The following CEP170B variants were observed in gnomAD, a reference collection of about 807,000 sequenced individuals.
CEP170B encodes the protein centrosomal protein 170B.
In CEP170B, 55 loss-of-function variants were observed where a neutral mutation model predicts 120.6. That is an observed-to-expected ratio of 0.46 (90% CI 0.37 to 0.57). CEP170B has a LOEUF of 0.57. CEP170B is among the 20% of genes least tolerant of loss of function. CEP170B has a pLI of 0.00. For synonymous variants in CEP170B, 1,033 were observed against 954.5 expected, an observed-to-expected ratio of 1.08 and a Z score of -1.52; for missense variants, 2,212 against 2,253.3, an observed-to-expected ratio of 0.98 and a Z score of 0.37.
chr14:104,888,603 G>A lies in CEP170B; in HGVS notation c.3739+625G>A, dbSNP rs904828543. Among the ~76,000 whole-genome samples, 6 of 152,212 alleles carry A rather than the reference G, an allele frequency of 3.9e-5. 1 individual carries two copies. The highest frequency in any genetic ancestry group is 2.1e-4 in the South Asian group (1 of 4,832). On this transcript the variant is annotated intron_variant, in intron 12 of 18. Transcript: ENST00000414716. ...AGCTGGCCTCCTACCTGGGGTGGCC[G>A]GACATCCGCGTCTGCAGAGCGGGGC...
Position 104,878,493 on chromosome 14 carries a change from G to A in CEP170B, c.325G>A (p.Ala109Thr). ...TGTGCAGCACCGAGTCCCGGAGGAG[G>A]CACTCAAGGTTAGTGCTGGCCAAGC... is the stretch of plus-strand genomic sequence containing the variant. ...ERVQHRVPEEALKHEKYTSQL... is the reference protein window; with the variant it reads ...ERVQHRVPEETLKHEKYTSQL... Residue 109 changes from alanine (A) to threonine (T), a missense_variant, in exon 5 of 19, where the codon GCA (alanine) becomes ACA (threonine). Physicochemically the swap from Ala to Thr is moderately conservative, Grantham distance 58 (BLOSUM62 0). Coordinates refer to ENST00000414716, the MANE Select transcript of CEP170B (RefSeq NM_001112726.3). 6.2e-7 allele frequency: 1 copy of A among 1,611,290 alleles called. No homozygotes were observed. The highest frequency in any genetic ancestry group is 8.5e-7 in the Non-Finnish European group (1 of 1,179,644).
rs541124123 is a variant in CEP170B, at chr14:104,867,403, C to A, written c.-27-1021C>A. Among the ~76,000 whole-genome samples, 1 of 152,202 alleles carries A rather than the reference C, an allele frequency of 6.6e-6. No individual in the cohort carries two copies. Among genetic ancestry groups the A allele is most frequent in the African/African-American group, 2.4e-5 (1 of 41,454 alleles). ...ATCCCTCTTTGCACCTTCTCATAAGCCGTTTCTGTTCTCTGTGCCTGCCCC... is the reference window on the plus strand; with the variant it reads ...ATCCCTCTTTGCACCTTCTCATAAGACGTTTCTGTTCTCTGTGCCTGCCCC... On this transcript the variant is annotated intron_variant, in intron 1 of 18. Transcript: ENST00000414716. The surrounding 1 kb of genome is among the most constrained non-coding windows in gnomAD (Gnocchi z 5.4).
chr14:104,868,411 C>G lies in CEP170B; in HGVS notation c.-27-13C>G, dbSNP rs1388680637. The G allele has an allele frequency of 6.5e-7, 1 of 1,531,510 alleles. No homozygotes were observed. The highest frequency in any genetic ancestry group is 2.4e-5 in the East Asian group (1 of 40,824). The allele number at this position is 1,531,510 out of a possible 1,614,324, so 94.9% of individuals were successfully genotyped here. On this transcript the variant is annotated splice_polypyrimidine_tract_variant and intron_variant, in intron 1 of 18. Coordinates refer to ENST00000414716, the MANE Select transcript of CEP170B (RefSeq NM_001112726.3). The surrounding 1 kb of genome is among the most constrained non-coding windows in gnomAD (Gnocchi z 5.9). ...GCCAGGGAGCCCCACTCTAACAATC[C>G]CCTCTTCCCCAGGGCCAGACGGGCC...
intron 14 of CEP170B, 67 bp downstream of exon 14, chr14:104,893,202 C>T (rs1308370474): frequency 2.0e-6 from 3 of 1,514,510 alleles, no homozygotes; most frequent in African/African-American, 2.8e-5. Flanking sequence ...GCCAGGTCCC[C>T]ACAGCCCTTT....
chr14:104,885,287 C>T, intron 9 of CEP170B, 82 bp from the exon 10 acceptor site: 2 of 1,425,592 alleles, frequency 1.4e-6, no homozygotes, highest in Non-Finnish European at 1.9e-6. Flanking sequence ...CTCCCTGTGG[C>T]CTGGGGGTGG....
At chr14:104,866,119 C>T (rs1003868172) in intron 1 of CEP170B, among the ~76,000 whole-genome samples, 3 of 152,182 alleles carry the variant, frequency 2.0e-5, no homozygotes, top group African/African-American at 7.2e-5. Flanking sequence ...ATTATTCTTC[C>T]TCCTAGCAAC....
rs771943246 is a variant in CEP170B at position 104,893,532 on chromosome 14, C to T, written c.4048C>T (p.Arg1350Cys). ...TISAREELVQ[R>C]IPEASLNFQK... Reference sequence around the variant, plus strand: ...GCCCTCCCTCTTGCAGCTGGTGCAGCGCATCCCCGAGGCCAGCCTCAACTT... The same window carrying T: ...GCCCTCCCTCTTGCAGCTGGTGCAGTGCATCCCCGAGGCCAGCCTCAACTT... The change falls in exon 15 of 19, where the codon CGC (arginine) becomes TGC (cysteine). Residue 1350 changes from arginine to cysteine, a missense_variant. Coordinates refer to ENST00000414716, the MANE Select transcript of CEP170B (RefSeq NM_001112726.3). 17 of 1,603,084 alleles carry T rather than the reference C, an allele frequency of 1.1e-5. No individual in the cohort carries two copies. The highest frequency in any genetic ancestry group is 1.4e-5 in the Non-Finnish European group (16 of 1,176,510).
chr14:104,883,131 A>G lies in CEP170B; in HGVS notation c.674A>G (p.Tyr225Cys). The change falls in exon 8 of 19, where the codon TAC (tyrosine) becomes TGC (cysteine). Residue 225 changes from tyrosine to cysteine, a missense_variant. By Grantham distance (194) the Tyr-to-Cys change is radical. Coordinates refer to ENST00000414716, the MANE Select transcript of CEP170B (RefSeq NM_001112726.3). ...QGCSFRREPS[Y>C]FEIPTKETPQ... ...TGCTCGTTCCGGCGGGAGCCCAGCT[A>G]CTTCGAGATCCCCACGAAGGAGACC... 1 of 1,601,358 alleles carries G rather than the reference A, an allele frequency of 6.2e-7. No homozygotes were observed. Among genetic ancestry groups the G allele is most frequent in the Non-Finnish European group, 8.5e-7 (1 of 1,176,146 alleles).
Position 104,895,214 on chromosome 14 carries a change from G to A in CEP170B, c.*256G>A, listed in dbSNP as rs908513080. 7.6e-5 allele frequency: 35 copies of A among 459,168 alleles called. No individual in the cohort carries two copies. The South Asian group carries it at 8.3e-4, about 11-fold the overall frequency. The allele number at this position is 459,168 out of a possible 1,614,324, so 28.4% of individuals were successfully genotyped here. A position where few individuals can be genotyped will look rare whatever the true frequency, so the allele number is the denominator to read the frequency against. ...GCCTCTGGGCCCAGCTCCTGGCCAGGCTGCTGCCAAGGTCAAGCCCTCAAG... is the reference window on the plus strand; with the variant it reads ...GCCTCTGGGCCCAGCTCCTGGCCAGACTGCTGCCAAGGTCAAGCCCTCAAG... On this transcript the variant is annotated 3_prime_UTR_variant, in exon 19 of 19. Transcript: ENST00000414716.
chr14:104,892,437 C>T (rs1896889704), intron 13 of CEP170B, among the ~76,000 whole-genome samples: 1 of 152,126 alleles, frequency 6.6e-6, no homozygotes, highest in South Asian at 2.1e-4. Flanking sequence ...CCCTCCCTCT[C>T]TGGATCTGCC....
At position 104,876,247 on chromosome 14, in the gene CEP170B, T is replaced by A; in HGVS notation, c.106-9T>A. On this transcript the variant is annotated splice_polypyrimidine_tract_variant and intron_variant, in intron 2 of 18. Coordinates refer to ENST00000414716, the MANE Select transcript of CEP170B (RefSeq NM_001112726.3). ...GGAGCACCTGAGGGCTGGCTGTGTG[T>A]CTCTCCAGTCCCGCAGCGTGGACAA... The A allele has an allele frequency of 6.5e-6, 10 of 1,550,372 alleles. No homozygotes were observed. The highest frequency in any genetic ancestry group is 8.7e-6 in the Non-Finnish European group (10 of 1,146,628).
intron 10 of CEP170B, among the ~76,000 whole-genome samples, 189 bp from the exon 11 acceptor site, chr14:104,885,851 G>T (rs1896460714): frequency 6.6e-6 from 1 of 152,256 alleles, no homozygotes; most frequent in Non-Finnish European, 1.5e-5. Flanking sequence ...GTTGGAGCAA[G>T]TCCAGGCGAG....
intron 9 of CEP170B, among the ~76,000 whole-genome samples, chr14:104,885,012 G>A (rs1350704024): frequency 6.6e-5 from 9 of 137,322 alleles, no homozygotes; most frequent in Non-Finnish European, 1.4e-4. Context: ...GGGTGGAGGC[G>A]ATGCCGGGGG....
rs1274767518 is a variant in CEP170B, at chr14:104,866,274, C to G, written c.-28+761C>G. Among the ~76,000 whole-genome samples, 5 of 152,294 alleles carry G rather than the reference C, an allele frequency of 3.3e-5. No homozygotes were observed. The East Asian group carries it at 9.7e-4, about 29-fold the overall frequency. On this transcript the variant is annotated intron_variant, in intron 1 of 18. Coordinates refer to ENST00000414716, the MANE Select transcript of CEP170B (RefSeq NM_001112726.3). ...CAGGCTCTGGGGCTCGGCTTCATTTCGCCTTAAACAGGGACCGTGGACTCC... is the reference window on the plus strand; with the variant it reads ...CAGGCTCTGGGGCTCGGCTTCATTTGGCCTTAAACAGGGACCGTGGACTCC...
intron 6 of CEP170B, among the ~76,000 whole-genome samples, chr14:104,882,435 A>G (rs117222009): frequency 0.018 from 2,700 of 152,098 alleles, 35 homozygotes; most frequent in Non-Finnish European, 0.028. Flanking sequence ...CTCTGAGTAC[A>G]TCAGAGGGGA....
chr14:104,880,616 A>T (rs1349888135), intron 6 of CEP170B, among the ~76,000 whole-genome samples, 191 bp downstream of exon 6: 1 of 150,962 alleles, frequency 6.6e-6, no homozygotes, highest in African/African-American at 2.4e-5. Flanking sequence ...ACCCTTGCAC[A>T]CCCACATTCC....
At position 104,887,318 on chromosome 14, in the gene CEP170B, C is replaced by T. The variant is rs763473411; in HGVS notation, c.3079C>T (p.Arg1027Trp). The part of the protein sequence containing the change: ...PTDMGRGEPV[R>W]RSAIRRGHRP... ...GGACATGGGCCGTGGAGAGCCGGTA[C>T]GGCGCTCAGCCATAAGGCGTGGCCA... Residue 1027 changes from arginine (R) to tryptophan (W), a missense_variant, in exon 12 of 19, where the codon CGG becomes TGG. By Grantham distance (101) the Arg-to-Trp change is moderately radical. Around this residue, in one of 2 missense-constraint regions of CEP170B, gnomAD observed 2,166 missense variants for 2,166.7 expected, o/e 1.00. Coordinates refer to ENST00000414716, the MANE Select transcript of CEP170B (RefSeq NM_001112726.3). 9.3e-6 allele frequency: 15 copies of T among 1,610,112 alleles called. No individual in the cohort carries two copies. Among genetic ancestry groups the T allele is most frequent in the African/African-American group, 5.3e-5 (4 of 74,894 alleles).
In CEP170B at chr14:104,887,351, C is replaced by T; in HGVS notation, c.3112C>T (p.Arg1038Ter). 6.2e-7 allele frequency: 1 copy of T among 1,611,682 alleles called. No homozygotes were observed. Residue 1038 changes from arginine to a stop codon, truncating the protein, a stop_gained, in exon 12 of 19, where the codon CGA becomes TGA. Transcript: ENST00000414716. LOFTEE classifies it high-confidence loss of function. ...AGCCATAAGGCGTGGCCACAGGCCC[C>T]GAGGGTCCCTGGATTGGCCCAGTGA... ...RSAIRRGHRP[R>*]GSLDWPSEER...
In CEP170B at chr14:104,883,351, G is replaced by A. The variant is rs780172609; in HGVS notation, c.894G>A (p.Pro298=). Residue 298 remains proline, a synonymous_variant, in exon 8 of 19, where the codon CCG becomes CCA. Coordinates refer to ENST00000414716, the MANE Select transcript of CEP170B (RefSeq NM_001112726.3). ...TTTCCCTGCGCCAGCGGCGGCCCCC[G>A]GGCAAGGAGGCCACACCTGGCGAGA... ...TKFSLRQRRP[P]GKEATPGEMV... The A allele has an allele frequency of 9.9e-6, 16 of 1,610,688 alleles. No homozygotes were observed. The highest frequency in any genetic ancestry group is 1.3e-5 in the African/African-American group (1 of 74,934).
Sources: allele counts gnomAD v4.1 joint callset (sites outside exome capture counted in the v4.1 genomes callset), GRCh38; gene constraint gnomAD v4.1.1; regional missense constraint gnomAD v4.1.1; non-coding constraint Gnocchi (gnomAD v3.1); transcripts MANE v1.5; gene names NCBI Gene and HGNC (gene_info 2026-07-23, HGNC 2026-07-21).